Variants in PELI2 observed in about 807,000 individuals in gnomAD.
The protein encoded by PELI2 is pellino E3 ubiquitin protein ligase family member 2.
PELI2 carries 23 observed loss-of-function variants against 42.3 expected under a neutral mutation model. The ratio of observed to expected loss-of-function variants is 0.54; its 90% CI spans 0.39 to 0.77. The LOEUF is 0.77. Ranked by LOEUF, PELI2 falls within the 30% of genes least tolerant of loss-of-function variation. The pLI is 0.00. For missense variants in PELI2, 463 were observed against 553.2 expected (o/e 0.84, Z 1.64); for synonymous variants, 245 against 212.2 (o/e 1.15, Z -1.34).
chr14:56,200,210 C>T (rs1297258199), intron 2 of PELI2, among the ~76,000 whole-genome samples: 1 of 152,226 alleles, frequency 6.6e-6, no homozygotes, highest in Non-Finnish European at 1.5e-5. Flanking sequence ...ACCACCTTGC[C>T]CTAACAATAA....
chr14:56,260,533 A>G (rs1888676039), intron 2 of PELI2, among the ~76,000 whole-genome samples: 2 of 152,168 alleles, frequency 1.3e-5, no homozygotes, highest in Admixed American at 1.3e-4. Context: ...GGACAGTTCT[A>G]TGTCTTGACT....
chr14:56,220,176 GTGTGACAGAGCA>G (rs1431569557), intron 2 of PELI2, among the ~76,000 whole-genome samples: 1 of 152,182 alleles, frequency 6.6e-6, no homozygotes, highest in Non-Finnish European at 1.5e-5. Context: ...TGCTGACTCA[GTGTGACAGAGCA>G]CTGTTGCCAG....
intron 1 of PELI2, chr14:56,119,693 TG>T: frequency 1.2e-6 from 1 of 853,796 alleles, no homozygotes; most frequent in Non-Finnish European, 1.4e-6. Context: ...TAGTGGGCAG[TG>T]AAAGGGGAGG....
At chr14:56,233,405 A>C (rs1349987339) in intron 2 of PELI2, among the ~76,000 whole-genome samples, 1 of 152,212 alleles carries the variant, frequency 6.6e-6, no homozygotes, top group African/African-American at 2.4e-5. Context: ...ACCAAAACAG[A>C]GATATAGACC....
At chr14:56,282,956 A>G (rs761626321) in intron 3 of PELI2, among the ~76,000 whole-genome samples, 3 of 152,186 alleles carry the variant, frequency 2.0e-5, no homozygotes, top group African/African-American at 7.2e-5. Flanking sequence ...AATAAAGCCT[A>G]TTTCACAATT....
chr14:56,258,559 T>A (rs749321175), intron 2 of PELI2, among the ~76,000 whole-genome samples: 9 of 146,186 alleles, frequency 6.2e-5, no homozygotes, highest in Non-Finnish European at 1.4e-4. Flanking sequence ...CTTCTGAAGG[T>A]GAAAAATAAC....
intron 2 of PELI2, among the ~76,000 whole-genome samples, chr14:56,234,316 G>A (rs1251342692): frequency 6.6e-6 from 1 of 152,168 alleles, no homozygotes; most frequent in African/African-American, 2.4e-5. Flanking sequence ...GTTTATTGTG[G>A]CACTATTCAC....
At chr14:56,143,344 T>C (rs988061061) in intron 1 of PELI2, among the ~76,000 whole-genome samples, 2 of 152,262 alleles carry the variant, frequency 1.3e-5, no homozygotes, top group Non-Finnish European at 2.9e-5. Flanking sequence ...CCTTGATCAC[T>C]TAGTGAAGGT....
At chr14:56,159,464 G>T (rs979470569) in intron 1 of PELI2, among the ~76,000 whole-genome samples, 1 of 152,200 alleles carries the variant, frequency 6.6e-6, no homozygotes, top group Non-Finnish European at 1.5e-5. Flanking sequence ...AAAGTATGGA[G>T]TATAAAAATG....
intron 2 of PELI2, among the ~76,000 whole-genome samples, chr14:56,212,575 A>G (rs1010878745): frequency 1.3e-5 from 2 of 152,162 alleles, no homozygotes; most frequent in Admixed American, 1.3e-4. Context: ...AGGACAACTG[A>G]AGCTCCTCAA....
intron 3 of PELI2, among the ~76,000 whole-genome samples, chr14:56,283,076 T>C (rs1007965207): frequency 3.3e-5 from 5 of 152,200 alleles, no homozygotes; most frequent in Admixed American, 3.3e-4. Context: ...TTAAGAAGAA[T>C]CTTGTTTCTT....
intron 2 of PELI2, among the ~76,000 whole-genome samples, chr14:56,255,472 A>C (rs934812371): frequency 2.0e-5 from 3 of 151,876 alleles, no homozygotes; most frequent in Admixed American, 6.6e-5. Context: ...AACATCATGC[A>C]CCAGGGCCTG....
chr14:56,245,684 A>G (rs1015478649), intron 2 of PELI2, among the ~76,000 whole-genome samples: 2 of 152,234 alleles, frequency 1.3e-5, no homozygotes, highest in Admixed American at 6.5e-5. Flanking sequence ...TAGCAATACT[A>G]CAACTCTCTG....
At chr14:56,124,012 A>G (rs1883157936) in intron 1 of PELI2, among the ~76,000 whole-genome samples, 1 of 152,250 alleles carries the variant, frequency 6.6e-6, no homozygotes, top group Non-Finnish European at 1.5e-5. Flanking sequence ...AAAGGAATTT[A>G]TAATGTCTTT....
chr14:56,165,694 A>G (rs1884930540), intron 1 of PELI2, among the ~76,000 whole-genome samples: 1 of 152,094 alleles, frequency 6.6e-6, no homozygotes, highest in Non-Finnish European at 1.5e-5. Flanking sequence ...TGAAGTCTCC[A>G]GTTATTATTG....
intron 2 of PELI2, among the ~76,000 whole-genome samples, chr14:56,227,130 G>T (rs539224259): frequency 3.4e-4 from 52 of 152,306 alleles, no homozygotes; most frequent in African/African-American, 1.2e-3. Context: ...TCCTCTTCCA[G>T]TTGCTCAACA....
chr14:56,215,118 C>T (rs980195514), intron 2 of PELI2, among the ~76,000 whole-genome samples: 3 of 152,208 alleles, frequency 2.0e-5, no homozygotes, highest in African/African-American at 7.2e-5. Flanking sequence ...CTTCTCTTAT[C>T]TATGTGACAG....
At chr14:56,161,027 A>G (rs1485023905) in intron 1 of PELI2, among the ~76,000 whole-genome samples, 1 of 152,178 alleles carries the variant, frequency 6.6e-6, no homozygotes, top group African/African-American at 2.4e-5. Context: ...ATGCAAAGAA[A>G]TATGAAACCT....
rs545342580 is a variant in PELI2, at chr14:56,168,073, AAGCACCCCTGTGGCC to A, written c.78-10255_78-10241del. ...CCTAACGCTGGGGGTGGAGTGACAC[AAGCACCCCTGTGGCC>A]AGCACCACTGTGACTGCACTGGATC... is the stretch of plus-strand genomic sequence containing the variant. On this transcript the variant is annotated intron_variant, in intron 1 of 5. Transcript: ENST00000267460. Among the ~76,000 whole-genome samples, 318 of 152,296 alleles carry A rather than the reference AAGCACCCCTGTGGCC, an allele frequency of 2.1e-3. 3 individuals carry two copies. The highest frequency in any genetic ancestry group is 3.4e-3 in the Middle Eastern group (1 of 294).
Sources: gnomAD v4.1 joint callset for allele counts (sites outside exome capture counted in the v4.1 genomes callset) on GRCh38, gnomAD v4.1.1 for gene constraint, MANE v1.5 for transcripts, NCBI Gene and HGNC (gene_info 2026-07-23, HGNC 2026-07-21) for gene names.